Variants in MTHFD2L observed in about 807,000 individuals in gnomAD.
The protein encoded by MTHFD2L is methylenetetrahydrofolate dehydrogenase (NADP+ dependent) 2 like, also known as bifunctional methylenetetrahydrofolate dehydrogenase/cyclohydrolase 2, mitochondrial.
In MTHFD2L, 29 loss-of-function variants were observed where a neutral mutation model predicts 34.9. The observed-to-expected ratio is 0.83, with a 90% CI of 0.62 to 1.13. The LOEUF (loss-of-function observed/expected upper bound fraction) is 1.13. Ranked by LOEUF, MTHFD2L falls within the 50% of genes most tolerant of loss-of-function variation. The pLI, the probability that MTHFD2L is intolerant of heterozygous loss-of-function variation, is 0.00. For synonymous variants in MTHFD2L, 167 were observed against 155.7 expected (o/e 1.07, Z -0.54); for missense variants, 481 against 446.5 (o/e 1.08, Z -0.70).
intron 6 of MTHFD2L, among the ~76,000 whole-genome samples, chr4:74,263,883 A>C (rs1430030513): frequency 6.6e-6 from 1 of 152,068 alleles, no homozygotes; most frequent in Non-Finnish European, 1.5e-5. Flanking sequence ...TTATCCCAGA[A>C]ATCTAAGATT....
intron 6 of MTHFD2L, among the ~76,000 whole-genome samples, chr4:74,251,125 A>G (rs1015931140): frequency 4.6e-5 from 7 of 152,220 alleles, no homozygotes; most frequent in Admixed American, 3.3e-4. Context: ...ACTCAGACTC[A>G]TCTCTCCTCT....
intron 5 of MTHFD2L, chr4:74,224,196 C>T (rs915477234): frequency 6.6e-6 from 1 of 152,110 alleles, no homozygotes; most frequent in African/African-American, 2.4e-5. Flanking sequence ...CCGGAAGGCT[C>T]TTCTGCCTTT....
intron 6 of MTHFD2L, chr4:74,266,775 A>G: frequency 1.2e-6 from 1 of 817,996 alleles, no homozygotes; most frequent in African/African-American, 1.9e-5. Flanking sequence ...TGAGTCAATC[A>G]GCACTGAATG....
At chr4:74,153,919 A>C (rs923467270), upstream of MTHFD2L, among the ~76,000 whole-genome samples, 6 of 152,178 alleles carry the variant, frequency 3.9e-5, no homozygotes, top group African/African-American at 1.4e-4. Context: ...AAAAGTTTAT[A>C]CTTTATTTAG....
At chr4:74,266,700 C>A in intron 6 of MTHFD2L, 1 of 243,294 alleles carries the variant, frequency 4.1e-6, no homozygotes, top group Non-Finnish European at 6.6e-6. Context: ...TTCTAAAGTG[C>A]TAGGCTTTTG....
At chr4:74,239,587 T>TTA (rs887473859) in intron 6 of MTHFD2L, among the ~76,000 whole-genome samples, 4 of 152,272 alleles carry the variant, frequency 2.6e-5, no homozygotes, top group Non-Finnish European at 5.9e-5. Flanking sequence ...TAAAAATGAC[T>TTA]TACCTTTGTT....
chr4:74,130,851 C>T (rs916315991), intron 1 of MTHFD2L, among the ~76,000 whole-genome samples: 1 of 152,098 alleles, frequency 6.6e-6, no homozygotes, highest in Non-Finnish European at 1.5e-5. Context: ...TCATATCAGC[C>T]CAAAATCTCC....
chr4:74,292,226 A>G (rs1749052431), intron 7 of MTHFD2L, among the ~76,000 whole-genome samples: 2 of 152,312 alleles, frequency 1.3e-5, no homozygotes, highest in Non-Finnish European at 2.9e-5. Flanking sequence ...AATCAAATCA[A>G]CTTCTAGAGA....
chr4:74,248,739 C>T (rs1742863253), intron 6 of MTHFD2L, among the ~76,000 whole-genome samples: 1 of 145,954 alleles, frequency 6.9e-6, no homozygotes, highest in South Asian at 2.2e-4. Context: ...TCGTTATGTA[C>T]CCAGTAGTCA....
chr4:74,266,643 C>T (rs1027599575), intron 6 of MTHFD2L, among the ~76,000 whole-genome samples: 14 of 152,148 alleles, frequency 9.2e-5, no homozygotes, highest in Non-Finnish European at 2.9e-5. Flanking sequence ...ACTCTCCTGA[C>T]TTTTCGAACT....
Position 74,199,796 on chromosome 4 carries a change from C to A in MTHFD2L, c.454C>A (p.His152Asn), listed in dbSNP as rs775661552. Residue 152 changes from histidine (H) to asparagine (N), a missense_variant and splice_region_variant, in exon 4 of 8, where the codon CAC (histidine) becomes AAC (asparagine). By Grantham distance (68) the His-to-Asn change is moderately conservative. Coordinates refer to ENST00000325278, the MANE Select transcript of MTHFD2L (RefSeq NM_001144978.3). ...GILVQLPLPD[H>N]VDERTICNGI... ...GACAAATTTTATTTATTTTTCAGAC[C>A]ACGTTGATGAGCGAACAATATGCAA... The A allele has an allele frequency of 1.3e-6, 2 of 1,589,910 alleles. No individual in the cohort carries two copies. The highest frequency in any genetic ancestry group is 2.3e-5 in the East Asian group (1 of 44,254).
At position 74,270,079 on chromosome 4, in the gene MTHFD2L, A is replaced by G. The variant is rs557322320; in HGVS notation, c.806-11346A>G. 2.2e-3 allele frequency among the ~76,000 whole-genome samples: 339 copies of G among 152,190 alleles called. 3 individuals carry two copies. The highest frequency in any genetic ancestry group is 3.4e-3 in the Middle Eastern group (1 of 294). On this transcript the variant is annotated intron_variant, in intron 6 of 7. Coordinates refer to ENST00000325278, the MANE Select transcript of MTHFD2L (RefSeq NM_001144978.3). ...TCCCTACACAATGGGGTTTTTAGGTATTCTTTTTTTAAATAGAAAGATAAA... is the reference window on the plus strand; with the variant it reads ...TCCCTACACAATGGGGTTTTTAGGTGTTCTTTTTTTAAATAGAAAGATAAA...
At chr4:74,121,580 A>ATAATTATTTAATTATATATAAT (rs1240889065), upstream of MTHFD2L, among the ~76,000 whole-genome samples, 116 of 146,784 alleles carry the variant, frequency 7.9e-4, no homozygotes, top group East Asian at 3.9e-3. Flanking sequence ...GGTGAGTTGT[A>ATAATTATTTAATTATATATAAT]TAATTATTTA....
At chr4:74,161,558 TAA>T (rs1560427151) in intron 1 of MTHFD2L, 1 of 152,228 alleles carries the variant, frequency 6.6e-6, no homozygotes, top group East Asian at 1.9e-4. Flanking sequence ...TCTCATATCT[TAA>T]GTTTTATTTT....
chr4:74,233,080 A>T (rs969059649), intron 6 of MTHFD2L, among the ~76,000 whole-genome samples: 1 of 152,206 alleles, frequency 6.6e-6, no homozygotes, highest in African/African-American at 2.4e-5. Flanking sequence ...AGCTTGGTGT[A>T]TAATAAAGGC....
chr4:74,259,645 C>G (rs951326960), intron 6 of MTHFD2L, among the ~76,000 whole-genome samples: 5 of 152,112 alleles, frequency 3.3e-5, no homozygotes, highest in Non-Finnish European at 1.5e-5. Context: ...AGGACCCTGT[C>G]AAAAACAATG....
At chr4:74,137,312 A>C (rs546643077) in intron 1 of MTHFD2L, among the ~76,000 whole-genome samples, 20 of 152,334 alleles carry the variant, frequency 1.3e-4, no homozygotes, top group African/African-American at 2.6e-4. Context: ...ACATGTCTGA[A>C]TAGACACCTC....
upstream of MTHFD2L, among the ~76,000 whole-genome samples, chr4:74,121,207 A>G (rs555170364): frequency 1.2e-3 from 186 of 152,322 alleles, 2 homozygotes; most frequent in South Asian, 8.3e-4. Context: ...TCTGTGACCC[A>G]TTTGTGAATA....
intron 7 of MTHFD2L, among the ~76,000 whole-genome samples, chr4:74,296,181 A>C (rs1749608662): frequency 6.6e-6 from 1 of 152,152 alleles, no homozygotes; most frequent in Non-Finnish European, 1.5e-5. Flanking sequence ...CAAAATAAAG[A>C]TGTTGGGCCA....
Sources: gnomAD v4.1 joint callset for allele counts (sites outside exome capture counted in the v4.1 genomes callset) on GRCh38, gnomAD v4.1.1 for gene constraint, MANE v1.5 for transcripts, NCBI Gene and HGNC (gene_info 2026-07-23, HGNC 2026-07-21) for gene names.